ARHGEF26: variants seen among roughly 807,000 people sequenced by gnomAD.
ARHGEF26 encodes Rho guanine nucleotide exchange factor 26.
In ARHGEF26, 59 loss-of-function variants were observed where a neutral mutation model predicts 89.4. That is an observed-to-expected ratio of 0.66 (90% CI 0.54 to 0.82). The LOEUF is 0.82. ARHGEF26 is among the 40% of genes least tolerant of loss of function. The pLI, the probability that ARHGEF26 is intolerant of heterozygous loss-of-function variation, is 0.00. For synonymous variants in ARHGEF26, 500 were observed against 428.4 expected, an observed-to-expected ratio of 1.17 and a Z score of -2.06; for missense variants, 1,234 against 1,085.6, an observed-to-expected ratio of 1.14 and a Z score of -1.92.
intron 8 of ARHGEF26, among the ~76,000 whole-genome samples, chr3:154,194,337 G>A (rs1328932970): frequency 1.3e-5 from 2 of 152,142 alleles, no homozygotes; most frequent in Non-Finnish European, 2.9e-5. Flanking sequence ...GGAAAGAGAG[G>A]CTTATAAAGA....
At position 154,161,099 on chromosome 3, in the gene ARHGEF26, TTTGTG is replaced by T. The variant is rs1351313300; in HGVS notation, c.1487+8169_1487+8173del. ...TCCTTTTGGAATGCTGGTAGCCAGGTTTGTGTGTGTGTGTGTGTGTGTGTGTGTGT... is the reference window on the plus strand; with the variant it reads ...TCCTTTTGGAATGCTGGTAGCCAGGTTGTGTGTGTGTGTGTGTGTGTGTGT... On this transcript the variant is annotated intron_variant, in intron 6 of 14. Transcript: ENST00000465093. 9.3e-3 allele frequency among the ~76,000 whole-genome samples: 1,377 copies of T among 147,304 alleles called. 13 individuals carry two copies. Among genetic ancestry groups the T allele is most frequent in the East Asian group, 0.027 (134 of 4,980 alleles).
At chr3:154,124,577 C>T in intron 3 of ARHGEF26, 128 bp downstream of exon 3, 1 of 809,442 alleles carries the variant, frequency 1.2e-6, no homozygotes, top group Non-Finnish European at 1.9e-6. Flanking sequence ...TCAAATTATA[C>T]AGTCCAAAGC....
chr3:154,121,907 C>T (rs1717949546), intron 1 of ARHGEF26, 35 bp from the exon 2 acceptor site: 1 of 1,493,280 alleles, frequency 6.7e-7, no homozygotes, highest in East Asian at 2.3e-5. Context: ...CCCGGTTGTC[C>T]AGAGGCACAG....
intron 13 of ARHGEF26, among the ~76,000 whole-genome samples, chr3:154,253,650 T>C (rs1214937586): frequency 6.6e-6 from 1 of 152,172 alleles, no homozygotes; most frequent in Non-Finnish European, 1.5e-5. Context: ...TACCTAAGAA[T>C]TCTTTTTGAC....
At chr3:154,234,757 TTTTTAATTTTAA>T (rs1159311754) in intron 11 of ARHGEF26, among the ~76,000 whole-genome samples, 1 of 152,102 alleles carries the variant, frequency 6.6e-6, no homozygotes, top group Non-Finnish European at 1.5e-5. Flanking sequence ...ATTTTTTAAT[TTTTTAATTTTAA>T]TTTTAATTTT....
intron 10 of ARHGEF26, chr3:154,225,642 T>C (rs1716436905): frequency 2.5e-6 from 1 of 402,820 alleles, no homozygotes; most frequent in African/African-American, 2.1e-5. Flanking sequence ...AAGTTAATAG[T>C]TTTTTATAGT....
chr3:154,183,993 G>C lies in ARHGEF26; in HGVS notation c.1488-3692G>C, dbSNP rs1713341727. On this transcript the variant is annotated intron_variant, in intron 6 of 14. Coordinates refer to ENST00000465093, the MANE Select transcript of ARHGEF26 (RefSeq NM_015595.4). ...ATTTTCTTTCTTTTTTTTTTTTTGA[G>C]ACGGAGTCTCGCTCTGTCGCCCAGG... is the stretch of plus-strand genomic sequence containing the variant. 4.1e-5 allele frequency among the ~76,000 whole-genome samples: 4 copies of C among 98,012 alleles called. No homozygotes were observed. The South Asian group carries it at 1.9e-3, about 48-fold the overall frequency. 64.3% of individuals were successfully genotyped at this position (98,012 alleles called of 152,430 possible). A position where few individuals can be genotyped will look rare whatever the true frequency, so the allele number is the denominator to read the frequency against.
intron 9 of ARHGEF26, among the ~76,000 whole-genome samples, chr3:154,199,868 T>C (rs1403264341): frequency 1.3e-5 from 2 of 152,140 alleles, no homozygotes; most frequent in Admixed American, 1.3e-4. Flanking sequence ...TTTTGAGAAA[T>C]GTCTATTCAA....
intron 6 of ARHGEF26, among the ~76,000 whole-genome samples, chr3:154,159,228 G>A (rs1020628886): frequency 2.6e-5 from 4 of 152,008 alleles, no homozygotes; most frequent in East Asian, 1.9e-4. Flanking sequence ...AACAGAGTGT[G>A]CTGTTATTAG....
rs985839261 is a variant in ARHGEF26 at position 154,195,677 on chromosome 3, G to A, written c.1845+959G>A. Among the ~76,000 whole-genome samples the A allele has an allele frequency of 3.9e-5, 6 of 152,268 alleles. No individual in the cohort carries two copies. In the East Asian group the frequency reaches 5.8e-4, roughly 15 times the overall value. On this transcript the variant is annotated intron_variant, in intron 9 of 14. Coordinates refer to ENST00000465093, the MANE Select transcript of ARHGEF26 (RefSeq NM_015595.4). ...GGGAGAGTGGATAAGTTCCATTTGG[G>A]TTGTGTTGTCATTGAGATTCCTATA... is the stretch of plus-strand genomic sequence containing the variant.
In ARHGEF26 at chr3:154,251,741, A is replaced by G. The variant is rs112431157; in HGVS notation, c.2301-1375A>G. 1.7e-3 allele frequency among the ~76,000 whole-genome samples: 256 copies of G among 152,336 alleles called. 2 individuals carry two copies. Among genetic ancestry groups the G allele is most frequent in the African/African-American group, 5.9e-3 (246 of 41,568 alleles). On this transcript the variant is annotated intron_variant, in intron 12 of 14. Transcript: ENST00000465093. ...CAAAAGAAGCCAAATACAAAAGCAT[A>G]CATACTAAAGGATTTCATTTGCAAA...
intron 6 of ARHGEF26, among the ~76,000 whole-genome samples, chr3:154,175,458 T>C (rs913504617): frequency 6.6e-6 from 1 of 152,202 alleles, no homozygotes; most frequent in African/African-American, 2.4e-5. Flanking sequence ...AAGGAATTAA[T>C]GTACCAAACC....
At chr3:154,150,910 A>AG (rs1719983153) in intron 5 of ARHGEF26, among the ~76,000 whole-genome samples, 1 of 152,198 alleles carries the variant, frequency 6.6e-6, no homozygotes, top group Non-Finnish European at 1.5e-5. Flanking sequence ...GTATTATTGC[A>AG]GGATATTTTA....
At chr3:154,128,255 CT>C (rs1560039989) in intron 3 of ARHGEF26, among the ~76,000 whole-genome samples, 2 of 151,984 alleles carry the variant, frequency 1.3e-5, no homozygotes, top group Non-Finnish European at 2.9e-5. Flanking sequence ...TCTTCTTCTT[CT>C]TTTTTTTATT....
intron 6 of ARHGEF26, among the ~76,000 whole-genome samples, chr3:154,164,853 G>A (rs566854498): frequency 6.6e-6 from 1 of 152,222 alleles, no homozygotes; most frequent in East Asian, 1.9e-4. Flanking sequence ...AATCTGCTGT[G>A]AATAAGATGC....
chr3:154,158,702 T>C (rs1291876566), intron 6 of ARHGEF26, among the ~76,000 whole-genome samples: 1 of 152,204 alleles, frequency 6.6e-6, no homozygotes, highest in East Asian at 1.9e-4. Context: ...AATGGAGTAT[T>C]TGATATCATC....
chr3:154,188,361 A>G (rs1254373897), intron 7 of ARHGEF26, among the ~76,000 whole-genome samples: 1 of 152,222 alleles, frequency 6.6e-6, no homozygotes, highest in Non-Finnish European at 1.5e-5. Flanking sequence ...AAAGCAGTAG[A>G]AAAAAGTAAT....
rs761703446 is a variant in ARHGEF26, at chr3:154,122,724, A to G, written c.732A>G (p.Lys244=). ...VLSTNSPAAL[K]VGKQQIIPKS... Reference sequence around the variant, plus strand: ...GTACAAACAGCCCCGCCGCCCTCAAAGTGGGGAAGCAGCAGATCATTCCGA... The same window carrying G: ...GTACAAACAGCCCCGCCGCCCTCAAGGTGGGGAAGCAGCAGATCATTCCGA... The change falls in exon 2 of 15, where the codon AAA becomes AAG. Residue 244 remains lysine, a synonymous_variant. Coordinates refer to ENST00000465093, the MANE Select transcript of ARHGEF26 (RefSeq NM_015595.4). 6.2e-7 allele frequency: 1 copy of G among 1,613,358 alleles called. No individual in the cohort carries two copies. The highest frequency in any genetic ancestry group is 1.7e-5 in the Admixed American group (1 of 59,898).
chr3:154,184,564 A>G (rs977176396), intron 6 of ARHGEF26, among the ~76,000 whole-genome samples: 36 of 152,152 alleles, frequency 2.4e-4, no homozygotes, highest in Non-Finnish European at 4.4e-4. Flanking sequence ...GGAAACCTTG[A>G]CCAGAAATCT....
Sources: gnomAD v4.1 joint callset for allele counts (sites outside exome capture counted in the v4.1 genomes callset) on GRCh38, gnomAD v4.1.1 for gene constraint, MANE v1.5 for transcripts, NCBI Gene and HGNC (gene_info 2026-07-23, HGNC 2026-07-21) for gene names.